The following SPAG16 variants were observed in gnomAD, a reference collection of about 807,000 sequenced individuals.
SPAG16 encodes the protein sperm associated antigen 16, also known as sperm-associated antigen 16 protein.
SPAG16 carries 86 observed loss-of-function variants against 80.4 expected under a neutral mutation model. The observed-to-expected ratio is 1.07, with a 90% confidence interval of 0.90 to 1.28. The LOEUF is 1.28. Among genes scored for constraint, SPAG16 ranks in the 50% most tolerant of loss-of-function variants. The pLI is 0.00. For synonymous variants in SPAG16, 294 were observed against 265.9 expected, an observed-to-expected ratio of 1.11 and a Z score of -1.03; for missense variants, 870 against 765.3, an observed-to-expected ratio of 1.14 and a Z score of -1.61.
chr2:214,165,959 C>T (rs2056636710), intron 15 of SPAG16, among the ~76,000 whole-genome samples: 1 of 151,994 alleles, frequency 6.6e-6, no homozygotes, highest in African/African-American at 2.4e-5. Flanking sequence ...TTCAAAAAGA[C>T]ATCTCTAGAC....
At position 214,310,234 on chromosome 2, in the gene SPAG16, G is replaced by T. The variant is rs79785374; in HGVS notation, c.1721-99906G>T. ...ATTTATTTTTTCCTCCCTTGAAGGT[G>T]TGACTGTAGTACATATTTTGTATGA... is the stretch of plus-strand genomic sequence containing the variant. On this transcript the variant is annotated intron_variant, in intron 15 of 15. Coordinates refer to ENST00000331683, the MANE Select transcript of SPAG16 (RefSeq NM_024532.5). Among the ~76,000 whole-genome samples the T allele has an allele frequency of 9.9e-5, 15 of 151,010 alleles. No individual in the cohort carries two copies. In the East Asian group the frequency reaches 2.9e-3, roughly 30 times the overall value.
At chr2:214,341,044 T>C (rs961351119) in intron 15 of SPAG16, among the ~76,000 whole-genome samples, 1 of 152,174 alleles carries the variant, frequency 6.6e-6, no homozygotes, top group Non-Finnish European at 1.5e-5. Flanking sequence ...ATTTAAGTAA[T>C]ACACTCAGAA....
intron 10 of SPAG16, among the ~76,000 whole-genome samples, chr2:213,689,932 T>G (rs1336182902): frequency 6.6e-6 from 1 of 152,196 alleles, no homozygotes; most frequent in Non-Finnish European, 1.5e-5. Context: ...CTTCTTCCAA[T>G]CTGGTTTTTA....
intron 9 of SPAG16, among the ~76,000 whole-genome samples, chr2:213,380,960 C>T (rs2125239496): frequency 6.6e-6 from 1 of 152,288 alleles, no homozygotes; most frequent in Middle Eastern, 3.4e-3. Flanking sequence ...AAAATAGGCC[C>T]ACTAGGCATT....
At chr2:214,362,531 C>T (rs934362573) in intron 15 of SPAG16, among the ~76,000 whole-genome samples, 8 of 151,670 alleles carry the variant, frequency 5.3e-5, no homozygotes, top group African/African-American at 1.5e-4. Context: ...TTTCTTAATG[C>T]GGGGAATCCT....
intron 9 of SPAG16, among the ~76,000 whole-genome samples, chr2:213,432,811 T>C (rs1455033745): frequency 6.6e-6 from 1 of 152,044 alleles, no homozygotes; most frequent in African/African-American, 2.4e-5. Context: ...TAGAAAAGTA[T>C]AGACAAATAT....
At chr2:214,395,952 CTG>C (rs1314723481) in intron 15 of SPAG16, among the ~76,000 whole-genome samples, 1 of 152,124 alleles carries the variant, frequency 6.6e-6, no homozygotes, top group Non-Finnish European at 1.5e-5. Context: ...TATGTTGATT[CTG>C]TGTCTTTGCT....
At chr2:214,104,913 G>A (rs1444655048) in intron 13 of SPAG16, among the ~76,000 whole-genome samples, 4 of 152,082 alleles carry the variant, frequency 2.6e-5, no homozygotes, top group Non-Finnish European at 5.9e-5. Flanking sequence ...GGGAGGGGAA[G>A]GAAAGCATTA....
intron 15 of SPAG16, among the ~76,000 whole-genome samples, chr2:214,208,665 T>A (rs895094576): frequency 6.6e-6 from 1 of 152,250 alleles, no homozygotes; most frequent in Admixed American, 6.6e-5. Flanking sequence ...GGTTGCAATT[T>A]TTTTTTTAGT....
chr2:214,108,149 G>A (rs371481852), intron 13 of SPAG16, 47 bp from the exon 14 acceptor site: 40 of 1,431,986 alleles, frequency 2.8e-5, no homozygotes, highest in East Asian at 7.0e-5. Context: ...TCCTTTTTAC[G>A]TTCCAAAAGA....
intron 10 of SPAG16, among the ~76,000 whole-genome samples, chr2:213,674,331 G>A (rs1168394793): frequency 6.7e-6 from 1 of 150,092 alleles, no homozygotes; most frequent in Non-Finnish European, 1.5e-5. Context: ...TAAAGTCATT[G>A]TAATCTAAAA....
intron 10 of SPAG16, among the ~76,000 whole-genome samples, chr2:213,847,420 AAG>A (rs1294519062): frequency 1.3e-5 from 2 of 152,130 alleles, no homozygotes; most frequent in African/African-American, 4.8e-5. Context: ...GTGGAAGGCA[AAG>A]AGGGGCTGGC....
chr2:213,733,154 T>C (rs1012904769), intron 10 of SPAG16, among the ~76,000 whole-genome samples: 5 of 152,212 alleles, frequency 3.3e-5, no homozygotes, highest in Non-Finnish European at 7.4e-5. Flanking sequence ...TTCATATATT[T>C]ATTGGCTGCG....
At chr2:214,046,162 A>G (rs1011658356) in intron 13 of SPAG16, among the ~76,000 whole-genome samples, 1 of 152,200 alleles carries the variant, frequency 6.6e-6, no homozygotes, top group Non-Finnish European at 1.5e-5. Context: ...AAGAAATCCA[A>G]AACCTAAACA....
At chr2:214,238,525 A>G (rs115849789) in intron 15 of SPAG16, 2,070 of 152,840 alleles carry the variant, frequency 0.014, 33 homozygotes, top group Non-Finnish European at 0.02. Context: ...AAGTTCATAC[A>G]GCAACACTGT....
At chr2:213,358,166 C>T (rs188580789) in intron 7 of SPAG16, among the ~76,000 whole-genome samples, 1 of 152,200 alleles carries the variant, frequency 6.6e-6, no homozygotes, top group East Asian at 1.9e-4. Context: ...GTAACCTGCC[C>T]TCTCTCTCTG....
At chr2:213,824,351 C>A (rs2073138127) in intron 10 of SPAG16, among the ~76,000 whole-genome samples, 1 of 152,186 alleles carries the variant, frequency 6.6e-6, no homozygotes, top group African/African-American at 2.4e-5. Flanking sequence ...CCAATGTTTT[C>A]TTTTAGCAGT....
intron 10 of SPAG16, among the ~76,000 whole-genome samples, chr2:213,779,732 A>C (rs2069826596): frequency 6.6e-6 from 1 of 152,198 alleles, no homozygotes; most frequent in Non-Finnish European, 1.5e-5. Context: ...AACTTAGCCT[A>C]CTCAGGATTC....
intron 15 of SPAG16, among the ~76,000 whole-genome samples, chr2:214,166,939 A>G (rs1315876825): frequency 6.6e-6 from 1 of 152,142 alleles, no homozygotes; most frequent in African/African-American, 2.4e-5. Flanking sequence ...TTAATTGGCC[A>G]TATTGGTCTT....
Sources: allele counts gnomAD v4.1 joint callset (sites outside exome capture counted in the v4.1 genomes callset), GRCh38; gene constraint gnomAD v4.1.1; transcripts MANE v1.5; gene names NCBI Gene and HGNC (gene_info 2026-07-23, HGNC 2026-07-21).